Variants in VSTM2L observed in about 807,000 individuals in gnomAD.
VSTM2L encodes the protein V-set and transmembrane domain containing 2 like.
A neutral mutation model predicts 19.9 loss-of-function variants in VSTM2L; 9 were observed. That is an observed-to-expected ratio of 0.45 (90% confidence interval 0.27 to 0.79). The LOEUF is 0.79. VSTM2L is among the 30% of genes least tolerant of loss of function. The pLI is 0.15. For synonymous variants in VSTM2L, 127 were observed against 133.8 expected (o/e 0.95, Z 0.35); for missense variants, 286 against 295.5 (o/e 0.97, Z 0.24).
At chr20:37,933,714 G>T (rs62201733) in intron 3 of VSTM2L, 125 bp downstream of exon 3, 2 of 950,596 alleles carry the variant, frequency 2.1e-6, no homozygotes, top group Non-Finnish European at 3.1e-6. Context: ...AAAAAGAGAA[G>T]GGAAAAAAAT....
intron 1 of VSTM2L, among the ~76,000 whole-genome samples, chr20:37,918,571 C>A (rs1009953427): frequency 5.9e-5 from 9 of 152,096 alleles, no homozygotes; most frequent in Non-Finnish European, 1.0e-4. Flanking sequence ...TCATTTATGG[C>A]GGTAATAAAA....
intron 1 of VSTM2L, among the ~76,000 whole-genome samples, chr20:37,904,357 G>T (rs1342436385): frequency 6.6e-6 from 1 of 152,228 alleles, no homozygotes; most frequent in Non-Finnish European, 1.5e-5. Flanking sequence ...CTAGAGGACT[G>T]AAATGTGGGA....
chr20:37,908,810 A>G (rs1274561462), intron 1 of VSTM2L, among the ~76,000 whole-genome samples: 1 of 152,228 alleles, frequency 6.6e-6, no homozygotes, highest in Non-Finnish European at 1.5e-5. Context: ...CTCAAAAGTA[A>G]ATAAATAGAT....
intron 1 of VSTM2L, among the ~76,000 whole-genome samples, chr20:37,924,766 G>A (rs1057304963): frequency 2.6e-5 from 4 of 152,218 alleles, no homozygotes; most frequent in African/African-American, 9.6e-5. Context: ...TCAGAGTTAG[G>A]AGAGGGAGGA....
At chr20:37,930,805 A>G (rs1185454167) in intron 1 of VSTM2L, among the ~76,000 whole-genome samples, 1 of 151,990 alleles carries the variant, frequency 6.6e-6, no homozygotes, top group Admixed American at 6.6e-5. Flanking sequence ...GATGGTGGAG[A>G]ATTCCGTACC....
At chr20:37,940,081 A>G (rs2072963297) in intron 3 of VSTM2L, among the ~76,000 whole-genome samples, 5 of 152,220 alleles carry the variant, frequency 3.3e-5, no homozygotes, top group Admixed American at 3.3e-4. Context: ...GAGTGCTCCC[A>G]GCACTTTGGA....
chr20:37,939,646 A>G (rs1001321100), intron 3 of VSTM2L, among the ~76,000 whole-genome samples: 13 of 151,982 alleles, frequency 8.6e-5, no homozygotes, highest in Admixed American at 7.9e-4. Flanking sequence ...CTTGCCCTTC[A>G]TCCTGTTGGA....
Position 37,941,268 on chromosome 20 carries a change from T to C in VSTM2L, c.343-2713T>C, listed in dbSNP as rs2072970266. On this transcript the variant is annotated intron_variant, in intron 3 of 3. Coordinates refer to ENST00000373461, the MANE Select transcript of VSTM2L (RefSeq NM_080607.3). ...ACACGGTTCAAAATGAGAAGACTGC[T>C]ATGCAGGAAATAGGAGGGAGTGGGG... is the stretch of plus-strand genomic sequence containing the variant. Among the ~76,000 whole-genome samples the C allele has an allele frequency of 3.3e-5, 5 of 152,194 alleles. No homozygotes were observed. In the South Asian group the frequency reaches 8.3e-4, roughly 25 times the overall value.
chr20:37,903,710 C>T (rs2122925537), intron 1 of VSTM2L, among the ~76,000 whole-genome samples: 1 of 152,348 alleles, frequency 6.6e-6, no homozygotes, highest in South Asian at 2.1e-4. Flanking sequence ...CCTGCATGGC[C>T]ACACCGATAT....
intron 1 of VSTM2L, among the ~76,000 whole-genome samples, chr20:37,930,741 C>T (rs935931753): frequency 1.3e-5 from 2 of 152,072 alleles, no homozygotes; most frequent in African/African-American, 4.8e-5. Context: ...GAGAGCTGGG[C>T]TCTGCATGGG....
In VSTM2L at chr20:37,922,038, TATAC is replaced by T. The variant is rs149092158; in HGVS notation, c.122-9593_122-9590del. ...AGGCTTTAATAAAATTCTGGTAAAATATACATAACAGAAAGTTTCCCATTTTCCC... is the reference window on the plus strand; with the variant it reads ...AGGCTTTAATAAAATTCTGGTAAAATATAACAGAAAGTTTCCCATTTTCCC... On this transcript the variant is annotated intron_variant, in intron 1 of 3. Transcript: ENST00000373461. Among the ~76,000 whole-genome samples, 1,304 of 152,062 alleles carry T rather than the reference TATAC, an allele frequency of 8.6e-3. 24 individuals carry two copies. The highest frequency in any genetic ancestry group is 0.029 in the African/African-American group (1,190 of 41,438).
At chr20:37,925,676 C>G (rs1251698815) in intron 1 of VSTM2L, among the ~76,000 whole-genome samples, 1 of 152,206 alleles carries the variant, frequency 6.6e-6, no homozygotes, top group African/African-American at 2.4e-5. Context: ...TCAAAAGGTC[C>G]CTGAGGGTGC....
At chr20:37,933,701 A>G (rs1600572765) in intron 3 of VSTM2L, 112 bp downstream of exon 3, 1 of 1,067,302 alleles carries the variant, frequency 9.4e-7, no homozygotes, top group East Asian at 2.6e-5. Context: ...GATGGAAGAG[A>G]AGAAAAAGAG....
At chr20:37,932,057 A>G (rs1403479095) in intron 2 of VSTM2L, among the ~76,000 whole-genome samples, 1 of 152,182 alleles carries the variant, frequency 6.6e-6, no homozygotes, top group Non-Finnish European at 1.5e-5. Context: ...AGGGCCTTCC[A>G]GGGCACAGAG....
chr20:37,937,829 G>A (rs2072949097), intron 3 of VSTM2L, among the ~76,000 whole-genome samples: 1 of 152,220 alleles, frequency 6.6e-6, no homozygotes, highest in Non-Finnish European at 1.5e-5. Flanking sequence ...ATCTGATCTA[G>A]CCTGGGGGGC....
At chr20:37,930,837 G>A (rs6013471) in intron 1 of VSTM2L, among the ~76,000 whole-genome samples, 77,598 of 151,520 alleles carry the variant, frequency 0.51, 20,046 homozygotes, top group Non-Finnish European at 0.55. Flanking sequence ...CCGAGCAGCT[G>A]CTCTGCGCCC....
chr20:37,921,021 T>A (rs1207055338), intron 1 of VSTM2L, among the ~76,000 whole-genome samples: 1 of 152,170 alleles, frequency 6.6e-6, no homozygotes, highest in Non-Finnish European at 1.5e-5. Flanking sequence ...CTGGGAGAGT[T>A]CCCAGCTTGC....
chr20:37,919,266 G>A (rs2072837051), intron 1 of VSTM2L, among the ~76,000 whole-genome samples: 1 of 152,226 alleles, frequency 6.6e-6, no homozygotes, highest in South Asian at 2.1e-4. Context: ...TTCTTAGGAA[G>A]AAAGCCCATC....
intron 3 of VSTM2L, among the ~76,000 whole-genome samples, chr20:37,934,245 G>C (rs969907097): frequency 6.6e-6 from 1 of 152,190 alleles, no homozygotes; most frequent in Non-Finnish European, 1.5e-5. Context: ...TGGGGCCCAG[G>C]GGAGTTCAGG....
Sources: allele counts gnomAD v4.1 joint callset (sites outside exome capture counted in the v4.1 genomes callset), GRCh38; gene constraint gnomAD v4.1.1; transcripts MANE v1.5; gene names NCBI Gene and HGNC (gene_info 2026-07-23, HGNC 2026-07-21).